LIMA1: variants seen among roughly 807,000 people sequenced by gnomAD.
LIMA1 encodes LIM domain and actin-binding protein 1.
A neutral mutation model predicts 62.6 loss-of-function variants in LIMA1; 52 were observed. The observed-to-expected ratio is 0.83, with a 90% confidence interval of 0.67 to 1.05. The LOEUF (loss-of-function observed/expected upper bound fraction) is 1.05. LIMA1 is among the 50% of genes least tolerant of loss of function. The probability of loss-of-function intolerance (pLI) is 0.00; values close to 1 mark genes in which losing one functional copy is unlikely to be tolerated. For synonymous variants in LIMA1, 302 were observed against 317.8 expected (o/e 0.95, Z 0.53); for missense variants, 780 against 902.2 (o/e 0.86, Z 1.74).
intron 1 of LIMA1, among the ~76,000 whole-genome samples, chr12:50,260,913 A>G (rs1942057795): frequency 7.6e-6 from 1 of 132,342 alleles, no homozygotes; most frequent in African/African-American, 2.9e-5. Flanking sequence ...ATCTTGGGCA[A>G]GTTTAATAAC....
intron 1 of LIMA1, among the ~76,000 whole-genome samples, chr12:50,282,147 G>A (rs1942347100): frequency 6.6e-6 from 1 of 151,868 alleles, no homozygotes; most frequent in African/African-American, 2.4e-5. Context: ...ATAATTTTTT[G>A]AAGATCTATC....
chr12:50,234,632 C>T (rs1024467278), intron 2 of LIMA1, among the ~76,000 whole-genome samples: 17 of 152,098 alleles, frequency 1.1e-4, no homozygotes, highest in African/African-American at 3.9e-4. Context: ...CTCAGCCCCA[C>T]CCCTAGAAAA....
intron 4 of LIMA1, among the ~76,000 whole-genome samples, chr12:50,219,258 G>A (rs1941402552): frequency 6.6e-6 from 1 of 152,118 alleles, no homozygotes; most frequent in Non-Finnish European, 1.5e-5. Flanking sequence ...CTTGAGGCAG[G>A]CAGATCACCT....
At chr12:50,234,669 A>C (rs1488331733) in intron 2 of LIMA1, among the ~76,000 whole-genome samples, 1 of 152,124 alleles carries the variant, frequency 6.6e-6, no homozygotes, top group Non-Finnish European at 1.5e-5. Context: ...CTAAAGGTAG[A>C]ATTTCAGAAT....
rs1940368525 is a variant in LIMA1 at position 50,177,405 on chromosome 12, T to C, written c.1939A>G (p.Asn647Asp). Residue 647 changes from asparagine (N) to aspartate (D), a missense_variant, in exon 11 of 11, where the codon AAT (asparagine) becomes GAT (aspartate). Transcript: ENST00000341247. ...ENAKASKKNG[N>D]VGKTTWQNKE... ...TTTTGCCAGGTTGTTTTTCCCACAT[T>C]CCCATTCTTCTTAGAAGCCTTGGCA... The C allele has an allele frequency of 6.2e-7, 1 of 1,614,052 alleles. No individual in the cohort carries two copies. Among genetic ancestry groups the C allele is most frequent in the Non-Finnish European group, 8.5e-7 (1 of 1,180,044 alleles).
intron 2 of LIMA1, among the ~76,000 whole-genome samples, chr12:50,241,725 T>A (rs565264995): frequency 7.1e-4 from 108 of 152,228 alleles, no homozygotes; most frequent in African/African-American, 2.5e-3. Context: ...TACTCTTAGA[T>A]TGCCACAAGA....
intron 8 of LIMA1, among the ~76,000 whole-genome samples, 171 bp from the exon 9 acceptor site, chr12:50,192,732 A>G (rs1434921470): frequency 2.6e-5 from 4 of 152,178 alleles, no homozygotes; most frequent in African/African-American, 9.6e-5. Context: ...ACTATGGCTC[A>G]GGTATTCTCT....
chr12:50,177,758 C>T lies in LIMA1; in HGVS notation c.1586G>A (p.Arg529Lys). 1 of 1,614,144 alleles carries T rather than the reference C, an allele frequency of 6.2e-7. No homozygotes were observed. Among genetic ancestry groups the T allele is most frequent in the East Asian group, 2.2e-5 (1 of 44,880 alleles). ...EDKPAETKKL[R>K]IAWPPPTELG... ...TTCAGTGGGGGGTGGCCAGGCGATC[C>T]TCAGCTTCTTGGTTTCAGCTGGCTT... The change falls in exon 11 of 11, where the codon AGG (arginine) becomes AAG (lysine). Residue 529 changes from arginine (R) to lysine (K), a missense_variant. Transcript: ENST00000341247.
chr12:50,214,153 T>C (rs767912138), intron 4 of LIMA1, among the ~76,000 whole-genome samples: 8 of 152,160 alleles, frequency 5.3e-5, no homozygotes, highest in Admixed American at 1.3e-4. Context: ...AAAATAATGC[T>C]GAGGATAGCC....
chr12:50,199,616 C>T (rs1301122643), intron 7 of LIMA1, among the ~76,000 whole-genome samples: 4 of 152,106 alleles, frequency 2.6e-5, no homozygotes, highest in African/African-American at 7.2e-5. Context: ...CTCTCCTCTA[C>T]TCTGTTTTCT....
chr12:50,200,190 C>A (rs905198489), intron 7 of LIMA1, among the ~76,000 whole-genome samples: 18 of 151,776 alleles, frequency 1.2e-4, no homozygotes, highest in African/African-American at 3.9e-4. Context: ...CCACCACACT[C>A]GGCCCGAATA....
chr12:50,182,142 A>C (rs1592492242), intron 9 of LIMA1, 105 bp from the exon 10 acceptor site: 1 of 1,270,136 alleles, frequency 7.9e-7, no homozygotes, highest in South Asian at 1.4e-5. Flanking sequence ...TTAGCTGGTC[A>C]GTCAATTCTC....
At chr12:50,203,852 C>A (rs1159278072) in intron 6 of LIMA1, among the ~76,000 whole-genome samples, 1 of 152,116 alleles carries the variant, frequency 6.6e-6, no homozygotes, top group Non-Finnish European at 1.5e-5. Flanking sequence ...TGTATGACTC[C>A]TTCATATGAA....
At chr12:50,264,728 T>C (rs546660485) in intron 1 of LIMA1, among the ~76,000 whole-genome samples, 1 of 152,380 alleles carries the variant, frequency 6.6e-6, no homozygotes, top group Non-Finnish European at 1.5e-5. Context: ...AGTCTTCGCA[T>C]GCTTCAGAGT....
chr12:50,272,919 G>A (rs560349982), intron 1 of LIMA1, among the ~76,000 whole-genome samples: 77 of 151,478 alleles, frequency 5.1e-4, no homozygotes, highest in African/African-American at 1.6e-3. Flanking sequence ...GCGTTGTGGC[G>A]GGCGCCTGTA....
chr12:50,227,343 A>G (rs1014954137), intron 3 of LIMA1, among the ~76,000 whole-genome samples: 1 of 149,892 alleles, frequency 6.7e-6, no homozygotes, highest in South Asian at 2.1e-4. Flanking sequence ...GGTTCAAGCA[A>G]TTCTCCTGCC....
intron 1 of LIMA1, among the ~76,000 whole-genome samples, chr12:50,255,051 A>AC (rs994701737): frequency 5.3e-5 from 8 of 150,178 alleles, no homozygotes; most frequent in Non-Finnish European, 1.0e-4. Flanking sequence ...ACAAAACAAA[A>AC]AAAAACCACC....
chr12:50,259,231 A>G (rs1349184235), intron 1 of LIMA1, among the ~76,000 whole-genome samples: 1 of 152,196 alleles, frequency 6.6e-6, no homozygotes, highest in Non-Finnish European at 1.5e-5. Flanking sequence ...GTGAAAGAAC[A>G]CACATGGCCC....
At chr12:50,205,790 G>A (rs1023867960) in intron 5 of LIMA1, among the ~76,000 whole-genome samples, 194 bp downstream of exon 5, 2 of 114,794 alleles carry the variant, frequency 1.7e-5, no homozygotes, top group Non-Finnish European at 3.4e-5. Context: ...GTCAACTTCC[G>A]TCTCAAAAAA....
Sources: gnomAD v4.1 joint callset for allele counts (sites outside exome capture counted in the v4.1 genomes callset) on GRCh38, gnomAD v4.1.1 for gene constraint, MANE v1.5 for transcripts, NCBI Gene and HGNC (gene_info 2026-07-23, HGNC 2026-07-21) for gene names.